Variants in MAPKAP1 observed in about 807,000 individuals in gnomAD.
The protein encoded by MAPKAP1 is MAPK associated protein 1.
In MAPKAP1, 20 loss-of-function variants were observed where a neutral mutation model predicts 65.7. The observed-to-expected ratio is 0.30, with a 90% CI of 0.21 to 0.44. MAPKAP1 has a LOEUF of 0.44. Among genes scored for constraint, MAPKAP1 ranks in the 20% least tolerant of loss-of-function variants. The pLI is 1.00. For synonymous variants in MAPKAP1, 222 were observed against 244.3 expected (o/e 0.91, Z 0.85); for missense variants, 423 against 648.0 (o/e 0.65, Z 3.77).
At chr9:125,578,058 C>T (rs1042876661) in intron 5 of MAPKAP1, among the ~76,000 whole-genome samples, 9 of 152,100 alleles carry the variant, frequency 5.9e-5, no homozygotes, top group South Asian at 2.1e-4. Flanking sequence ...GAGGTAGACA[C>T]GGGAGACTTT....
chr9:125,475,121 A>G (rs1271336452), intron 9 of MAPKAP1, among the ~76,000 whole-genome samples: 2 of 152,176 alleles, frequency 1.3e-5, no homozygotes, highest in African/African-American at 4.8e-5. Context: ...CATTCTCCAT[A>G]TGAAAAAATT....
chr9:125,557,057 T>C (rs1312547595), intron 6 of MAPKAP1, among the ~76,000 whole-genome samples: 1 of 152,226 alleles, frequency 6.6e-6, no homozygotes, highest in Non-Finnish European at 1.5e-5. Flanking sequence ...TGTGTGTGTC[T>C]GGGAGTGGGA....
Position 125,438,114 on chromosome 9 carries a change from T to G in MAPKAP1, c.*773A>C, listed in dbSNP as rs1852358986. On this transcript the variant is annotated 3_prime_UTR_variant, in exon 12 of 12. Transcript: ENST00000265960. ...AAGAAACGGAAAGACCATGTCTGGCTGGGAGTGCAGCGTGCCTGAGGACCA... is the reference window on the plus strand; with the variant it reads ...AAGAAACGGAAAGACCATGTCTGGCGGGGAGTGCAGCGTGCCTGAGGACCA... 5.4e-6 allele frequency: 2 copies of G among 373,740 alleles called. No individual in the cohort carries two copies. 23.2% of individuals were successfully genotyped at this position (373,740 alleles called of 1,614,324 possible). A position where few individuals can be genotyped will look rare whatever the true frequency, so the allele number is the denominator to read the frequency against.
intron 4 of MAPKAP1, among the ~76,000 whole-genome samples, chr9:125,618,295 T>C (rs572117649): frequency 3.3e-5 from 4 of 122,444 alleles, no homozygotes; most frequent in African/African-American, 1.3e-4. Context: ...TGAGCTGAGA[T>C]TGCGCCACTG....
intron 1 of MAPKAP1, among the ~76,000 whole-genome samples, chr9:125,690,701 A>G (rs1835140038): frequency 6.6e-6 from 1 of 152,224 alleles, no homozygotes; most frequent in Non-Finnish European, 1.5e-5. Flanking sequence ...AGAAATTGGA[A>G]GGTTCAAAGA....
At chr9:125,483,629 G>GGAGAA (rs1009590187) in intron 9 of MAPKAP1, among the ~76,000 whole-genome samples, 1 of 152,152 alleles carries the variant, frequency 6.6e-6, no homozygotes, top group African/African-American at 2.4e-5. Flanking sequence ...CCATCACATG[G>GGAGAA]GAGACCCTTT....
rs148620741 is a variant in MAPKAP1 at position 125,533,834 on chromosome 9, C to T, written c.958+9225G>A. The stretch of plus-strand genomic sequence containing the variant: ...AGCAATCCATATTTAAAATCTAGCA[C>T]AAATATGCAATCTAGCACAAATATT... On this transcript the variant is annotated intron_variant, in intron 7 of 11. Transcript: ENST00000265960. Among the ~76,000 whole-genome samples, 778 of 152,136 alleles carry T rather than the reference C, an allele frequency of 5.1e-3. 1 individual carries two copies. The highest frequency in any genetic ancestry group is 0.027 in the Middle Eastern group (8 of 294).
intron 3 of MAPKAP1, among the ~76,000 whole-genome samples, chr9:125,669,545 A>T (rs914089327): frequency 2.0e-5 from 3 of 152,166 alleles, no homozygotes; most frequent in Non-Finnish European, 1.5e-5. Context: ...TTTTTAAAAA[A>T]TCAGAAAAAA....
chr9:125,494,281 T>C (rs369515240), intron 8 of MAPKAP1, among the ~76,000 whole-genome samples: 2 of 152,150 alleles, frequency 1.3e-5, no homozygotes, highest in East Asian at 3.8e-4. Flanking sequence ...ATAGGTGATA[T>C]ACTAAAACAC....
In MAPKAP1 at chr9:125,468,054, A is replaced by G; in HGVS notation, c.1263T>C (p.Thr421=). The G allele has an allele frequency of 6.2e-7, 1 of 1,614,222 alleles. No homozygotes were observed. The highest frequency in any genetic ancestry group is 8.5e-7 in the Non-Finnish European group (1 of 1,180,024). Residue 421 remains threonine, a synonymous_variant, in exon 10 of 12, where the codon ACT becomes ACC. Transcript: ENST00000265960. ...TGGGTTTCTGCTTAATCCAAAACTTAGTGCTGGCTTTCTGATTCGTAACAG... is the reference window on the plus strand; with the variant it reads ...TGGGTTTCTGCTTAATCCAAAACTTGGTGCTGGCTTTCTGATTCGTAACAG... ...IDPVTNQKAS[T]KFWIKQKPIS...
intron 9 of MAPKAP1, among the ~76,000 whole-genome samples, chr9:125,473,882 G>A (rs141064683): frequency 1.3e-5 from 2 of 152,232 alleles, no homozygotes; most frequent in Middle Eastern, 3.4e-3. Flanking sequence ...TCCTAACTAC[G>A]TGACTTGGGA....
intron 4 of MAPKAP1, among the ~76,000 whole-genome samples, chr9:125,632,664 C>T (rs1241992164): frequency 6.6e-6 from 1 of 152,204 alleles, no homozygotes; most frequent in African/African-American, 2.4e-5. Flanking sequence ...GCTATTCTTC[C>T]CAGCCTTCTG....
chr9:125,445,272 T>A (rs932660460), intron 10 of MAPKAP1, among the ~76,000 whole-genome samples: 5 of 152,200 alleles, frequency 3.3e-5, no homozygotes, highest in South Asian at 2.1e-4. Context: ...AGGATGACAC[T>A]TGTCATTTCT....
chr9:125,595,133 A>T lies in MAPKAP1; in HGVS notation c.499-9406T>A, dbSNP rs1286901348. Among the ~76,000 whole-genome samples, 1 of 152,250 alleles carries T rather than the reference A, an allele frequency of 6.6e-6. No individual in the cohort carries two copies. The highest frequency in any genetic ancestry group is 1.5e-5 in the Non-Finnish European group (1 of 68,046). Reference sequence around the variant, plus strand: ...ATATTCCATTATTATAAATAATCTCATAAACATTTTCCTATATAAATGTGA... The same window carrying T: ...ATATTCCATTATTATAAATAATCTCTTAAACATTTTCCTATATAAATGTGA... On this transcript the variant is annotated intron_variant, in intron 4 of 11. Transcript: ENST00000265960. This position sits in a 1 kb window ranked among gnomAD's most constrained non-coding sequence, Gnocchi z 4.0.
intron 4 of MAPKAP1, among the ~76,000 whole-genome samples, chr9:125,620,917 G>A (rs964224858): frequency 6.6e-6 from 1 of 152,008 alleles, no homozygotes; most frequent in African/African-American, 2.4e-5. Context: ...TTACATTTTT[G>A]AACCATACAA....
At chr9:125,634,413 T>C (rs1055767592) in intron 4 of MAPKAP1, among the ~76,000 whole-genome samples, 2 of 152,228 alleles carry the variant, frequency 1.3e-5, no homozygotes, top group African/African-American at 2.4e-5. Context: ...GTTGCATTTC[T>C]AGGACTCAAT....
chr9:125,511,789 T>TA (rs985030488), intron 7 of MAPKAP1, among the ~76,000 whole-genome samples: 7 of 152,252 alleles, frequency 4.6e-5, no homozygotes, highest in African/African-American at 1.7e-4. Flanking sequence ...AAAGAGGATT[T>TA]AAAAAGTCAC....
chr9:125,500,080 A>G (rs1415465765), intron 8 of MAPKAP1, among the ~76,000 whole-genome samples: 1 of 152,240 alleles, frequency 6.6e-6, no homozygotes, highest in Admixed American at 6.5e-5. Flanking sequence ...GTGGAACAAT[A>G]TGAGTATTAA....
rs903134481 is a variant in MAPKAP1 at position 125,592,921 on chromosome 9, A to G, written c.499-7194T>C. ...CCGTCTCAAAAAAAAAAAAAAAAAA[A>G]GGAACATACTATGTGCTGTGACAGG... On this transcript the variant is annotated intron_variant, in intron 4 of 11. Coordinates refer to ENST00000265960, the MANE Select transcript of MAPKAP1 (RefSeq NM_001006617.3). 3.3e-5 allele frequency among the ~76,000 whole-genome samples: 5 copies of G among 150,718 alleles called. No homozygotes were observed. In the East Asian group the frequency reaches 7.8e-4, roughly 23 times the overall value.
Sources: allele counts gnomAD v4.1 joint callset (sites outside exome capture counted in the v4.1 genomes callset), GRCh38; gene constraint gnomAD v4.1.1; non-coding constraint Gnocchi (gnomAD v3.1); transcripts MANE v1.5; gene names NCBI Gene and HGNC (gene_info 2026-07-23, HGNC 2026-07-21).